SDC2: variants seen among roughly 807,000 people sequenced by gnomAD.
SDC2 encodes the protein syndecan 2, also known as syndecan-2.
Under a neutral mutation model 22.2 loss-of-function variants are expected in SDC2, and 13 were observed. The observed-to-expected ratio is 0.59, with a 90% CI of 0.38 to 0.93. The LOEUF is 0.93. SDC2 is among the 40% of genes least tolerant of loss of function. SDC2 has a pLI of 0.00. For missense variants in SDC2, 235 were observed against 246.8 expected, an observed-to-expected ratio of 0.95 and a Z score of 0.32; for synonymous variants, 94 against 92.8, an observed-to-expected ratio of 1.01 and a Z score of -0.07.
chr8:96,511,279 T>C (rs946756578), intron 1 of SDC2, among the ~76,000 whole-genome samples: 8 of 152,178 alleles, frequency 5.3e-5, no homozygotes, highest in Non-Finnish European at 8.8e-5. Flanking sequence ...GTGATTCCAG[T>C]GTTCAGTCAG....
At chr8:96,521,799 CAT>C (rs971702981) in intron 1 of SDC2, among the ~76,000 whole-genome samples, 24 of 152,292 alleles carry the variant, frequency 1.6e-4, no homozygotes, top group Admixed American at 4.6e-4. Flanking sequence ...ATCACTAAAA[CAT>C]GTGTGCCTTC....
intron 1 of SDC2, among the ~76,000 whole-genome samples, chr8:96,503,916 C>T (rs1486735612): frequency 6.6e-6 from 1 of 152,060 alleles, no homozygotes; most frequent in Non-Finnish European, 1.5e-5. Context: ...AACCTATAGG[C>T]CAATGTCATC....
chr8:96,576,416 C>CTTTTTGTT (rs1814502595), intron 1 of SDC2, among the ~76,000 whole-genome samples: 1 of 13,814 alleles, frequency 7.2e-5, no homozygotes, highest in East Asian at 7.6e-4. Flanking sequence ...TTATTATTCT[C>CTTTTTGTT]TTTTTTTTTT....
At chr8:96,542,654 C>T (rs1357030382) in intron 1 of SDC2, among the ~76,000 whole-genome samples, 2 of 151,566 alleles carry the variant, frequency 1.3e-5, no homozygotes, top group Non-Finnish European at 2.9e-5. Flanking sequence ...GCAGCTTCCC[C>T]CCGAGAAGAC....
At chr8:96,543,256 G>A (rs1055179085) in intron 1 of SDC2, among the ~76,000 whole-genome samples, 3 of 152,146 alleles carry the variant, frequency 2.0e-5, no homozygotes, top group African/African-American at 2.4e-5. Flanking sequence ...AGACTTTAAT[G>A]TACAAATATG....
chr8:96,532,127 ATTAG>A (rs1033912595), intron 1 of SDC2, among the ~76,000 whole-genome samples: 2 of 152,232 alleles, frequency 1.3e-5, no homozygotes, highest in Non-Finnish European at 2.9e-5. Flanking sequence ...GATTAAATGC[ATTAG>A]TTAGTGCAAA....
intron 1 of SDC2, among the ~76,000 whole-genome samples, chr8:96,540,340 G>GTATATATATATATATA (rs1554601718): frequency 0.065 from 8,018 of 123,338 alleles, 355 homozygotes; most frequent in Admixed American, 0.089. Context: ...ATATATATGT[G>GTATATATATATATATA]TATATATATA....
At position 96,588,996 on chromosome 8, in the gene SDC2, C is replaced by T. The variant is rs1056267802; in HGVS notation, c.61-4484C>T. ...CAGTTGCTATCCTACAAATTGTCTTCGCTGAGAAAATGGACAGGTTTGTGA... is the reference window on the plus strand; with the variant it reads ...CAGTTGCTATCCTACAAATTGTCTTTGCTGAGAAAATGGACAGGTTTGTGA... On this transcript the variant is annotated intron_variant, in intron 1 of 4. Transcript: ENST00000302190. Among the ~76,000 whole-genome samples the T allele has an allele frequency of 6.6e-5, 10 of 152,194 alleles. 1 individual carries two copies. The highest frequency in any genetic ancestry group is 1.2e-4 in the African/African-American group (5 of 41,440).
At chr8:96,585,267 T>C (rs1199958252) in intron 1 of SDC2, among the ~76,000 whole-genome samples, 4 of 152,206 alleles carry the variant, frequency 2.6e-5, no homozygotes, top group African/African-American at 9.7e-5. Context: ...GGCTTTTAAT[T>C]AGTTGTCTCT....
intron 1 of SDC2, among the ~76,000 whole-genome samples, chr8:96,573,648 T>C (rs1814440105): frequency 6.6e-6 from 1 of 152,096 alleles, no homozygotes; most frequent in Non-Finnish European, 1.5e-5. Flanking sequence ...TACCATTGAC[T>C]CTGCCCTGGC....
intron 1 of SDC2, among the ~76,000 whole-genome samples, chr8:96,583,340 A>G (rs988209730): frequency 1.4e-5 from 2 of 146,374 alleles, no homozygotes; most frequent in Non-Finnish European, 3.0e-5. Flanking sequence ...TATATCACAT[A>G]TAAAATATAT....
chr8:96,566,927 C>T (rs917480639), intron 1 of SDC2, among the ~76,000 whole-genome samples: 2 of 152,284 alleles, frequency 1.3e-5, no homozygotes, highest in South Asian at 4.1e-4. Context: ...GATCTCGGCT[C>T]GTTGCAACCT....
chr8:96,585,307 T>C (rs1360636886), intron 1 of SDC2, among the ~76,000 whole-genome samples: 1 of 152,214 alleles, frequency 6.6e-6, no homozygotes, highest in African/African-American at 2.4e-5. Flanking sequence ...ATGTACGAAA[T>C]GTGTCAAGAG....
chr8:96,599,798 G>A (rs1666046900), intron 2 of SDC2, among the ~76,000 whole-genome samples: 1 of 152,070 alleles, frequency 6.6e-6, no homozygotes, highest in Non-Finnish European at 1.5e-5. Context: ...GTATAATAAT[G>A]AATATATATG....
intron 1 of SDC2, among the ~76,000 whole-genome samples, chr8:96,591,954 A>T (rs1814788433): frequency 6.6e-6 from 1 of 152,176 alleles, no homozygotes; most frequent in East Asian, 1.9e-4. Flanking sequence ...GACACAGTTC[A>T]CAAGCTTTGG....
intron 1 of SDC2, among the ~76,000 whole-genome samples, chr8:96,542,783 A>G (rs1407613302): frequency 6.6e-6 from 1 of 152,214 alleles, no homozygotes. Context: ...CTTAGTGAAT[A>G]GAGTTTGCCT....
chr8:96,549,959 A>G (rs1028111617), intron 1 of SDC2, among the ~76,000 whole-genome samples: 2 of 152,068 alleles, frequency 1.3e-5, no homozygotes, highest in African/African-American at 4.8e-5. Context: ...CATCTTTAAG[A>G]TTGTTGTATC....
intron 1 of SDC2, among the ~76,000 whole-genome samples, chr8:96,555,316 A>G (rs1377662038): frequency 6.6e-6 from 1 of 152,096 alleles, no homozygotes; most frequent in Non-Finnish European, 1.5e-5. Context: ...AGACCATTGG[A>G]ATCAGCTGAT....
At chr8:96,514,617 G>T (rs879317670) in intron 1 of SDC2, among the ~76,000 whole-genome samples, 17 of 152,124 alleles carry the variant, frequency 1.1e-4, no homozygotes, top group Non-Finnish European at 1.9e-4. Flanking sequence ...AACCTTTCTG[G>T]CACCAGGGAC....
Sources: allele counts gnomAD v4.1 joint callset (sites outside exome capture counted in the v4.1 genomes callset), GRCh38; gene constraint gnomAD v4.1.1; transcripts MANE v1.5; gene names NCBI Gene and HGNC (gene_info 2026-07-23, HGNC 2026-07-21).